Variants in TTC27 observed in about 807,000 individuals in gnomAD.
The protein encoded by TTC27 is tetratricopeptide repeat protein 27.
A neutral mutation model predicts 115.9 loss-of-function variants in TTC27; 79 were observed. The observed-to-expected ratio is 0.68, with a 90% confidence interval of 0.57 to 0.82. The LOEUF (loss-of-function observed/expected upper bound fraction) is 0.82. TTC27 is among the 40% of genes least tolerant of loss of function. The pLI, the probability that TTC27 is intolerant of heterozygous loss-of-function variation, is 0.00. For missense variants in TTC27, 1,054 were observed against 993.1 expected (o/e 1.06, Z -0.82); for synonymous variants, 401 against 356.0 (o/e 1.13, Z -1.42).
chr2:32,801,169 C>G (rs185282477), intron 16 of TTC27, among the ~76,000 whole-genome samples: 152 of 152,252 alleles, frequency 1.0e-3, no homozygotes, highest in Non-Finnish European at 1.7e-3. Flanking sequence ...TTTTAACTGT[C>G]TTAGTCTTTC....
intron 9 of TTC27, among the ~76,000 whole-genome samples, chr2:32,692,160 C>T (rs1013736159): frequency 7.1e-5 from 10 of 141,226 alleles, no homozygotes; most frequent in African/African-American, 2.4e-4. Flanking sequence ...GGATTATAGG[C>T]GTGAGCCACC....
chr2:32,704,170 A>T (rs1392343179), intron 10 of TTC27, among the ~76,000 whole-genome samples: 2 of 152,110 alleles, frequency 1.3e-5, no homozygotes, highest in Non-Finnish European at 2.9e-5. Flanking sequence ...GACTATAGTA[A>T]TTAATGAAAG....
intron 13 of TTC27, among the ~76,000 whole-genome samples, chr2:32,761,245 C>T (rs1011799692): frequency 6.6e-6 from 1 of 152,132 alleles, no homozygotes; most frequent in African/African-American, 2.4e-5. Flanking sequence ...CCGTATACCC[C>T]ACATCTAATC....
At chr2:32,650,867 T>G (rs757321599) in intron 5 of TTC27, among the ~76,000 whole-genome samples, 2 of 152,166 alleles carry the variant, frequency 1.3e-5, no homozygotes, top group African/African-American at 4.8e-5. Context: ...CAAACATCCA[T>G]GTAAGTGCCT....
rs1036836946 is a variant in TTC27, at chr2:32,662,042, C to T, written c.641-2261C>T. Among the ~76,000 whole-genome samples, 186 of 152,118 alleles carry T rather than the reference C, an allele frequency of 1.2e-3. 1 individual carries two copies. The highest frequency in any genetic ancestry group is 4.3e-3 in the African/African-American group (179 of 41,532). The stretch of plus-strand genomic sequence containing the variant: ...TGAGATAATCTTATGGTTTTTGTCA[C>T]GGTTCTGTTTATGTGATGGATTATG... On this transcript the variant is annotated intron_variant, in intron 5 of 19. Transcript: ENST00000317907.
chr2:32,820,702 A>T, intron 19 of TTC27, 114 bp from the exon 20 acceptor site: 1 of 947,140 alleles, frequency 1.1e-6, no homozygotes, highest in Non-Finnish European at 1.4e-6. Flanking sequence ...CATTGCTATT[A>T]TAATTGTATA....
intron 12 of TTC27, among the ~76,000 whole-genome samples, chr2:32,748,162 T>C (rs2147980565): frequency 6.6e-6 from 1 of 152,328 alleles, no homozygotes; most frequent in Middle Eastern, 3.4e-3. Flanking sequence ...GTTTTGGTTT[T>C]GTTAATCTCA....
At chr2:32,815,300 G>T (rs191506304) in intron 18 of TTC27, among the ~76,000 whole-genome samples, 1 of 132,988 alleles carries the variant, frequency 7.5e-6, no homozygotes, top group Non-Finnish European at 1.5e-5. Context: ...GCAGTGGCGC[G>T]ATCTCGGCTC....
intron 4 of TTC27, among the ~76,000 whole-genome samples, chr2:32,648,159 C>G (rs569401316): frequency 1.3e-5 from 2 of 151,002 alleles, no homozygotes; most frequent in Admixed American, 6.6e-5. Flanking sequence ...CGGAGTTTCA[C>G]TCTTGTTGCC....
intron 8 of TTC27, among the ~76,000 whole-genome samples, chr2:32,673,238 T>TTC (rs1553548407): frequency 6.6e-6 from 1 of 151,436 alleles, no homozygotes; most frequent in African/African-American, 2.4e-5. Context: ...TTTTTTTTTT[T>TTC]CCTAAGATGG....
chr2:32,765,772 T>C (rs1164066613), intron 13 of TTC27, among the ~76,000 whole-genome samples: 1 of 152,214 alleles, frequency 6.6e-6, no homozygotes, highest in Non-Finnish European at 1.5e-5. Flanking sequence ...GCTGTTTCAT[T>C]GTGCACTTTT....
At chr2:32,674,217 C>G (rs565781663) in intron 8 of TTC27, among the ~76,000 whole-genome samples, 1 of 150,684 alleles carries the variant, frequency 6.6e-6, no homozygotes, top group East Asian at 2.0e-4. Context: ...GTGGCGCGAT[C>G]TCGGCTCACT....
rs547768497 is a variant in TTC27, at chr2:32,689,447, T to C, written c.1119+10525T>C. Among the ~76,000 whole-genome samples the C allele has an allele frequency of 7.9e-5, 12 of 152,298 alleles. No homozygotes were observed. The East Asian group carries it at 2.3e-3, about 29-fold the overall frequency. On this transcript the variant is annotated intron_variant, in intron 9 of 19. Transcript: ENST00000317907. ...CCAGTTTCAGAAGTACAACACAAAC[T>C]ATTCAATTTACCTAATTATTAAGTG...
At chr2:32,788,932 A>T (rs1045559746) in intron 16 of TTC27, among the ~76,000 whole-genome samples, 2 of 152,108 alleles carry the variant, frequency 1.3e-5, no homozygotes, top group African/African-American at 4.8e-5. Context: ...AATAATTAAT[A>T]TTTACTGAGG....
chr2:32,635,289 C>G (rs181408316), intron 3 of TTC27: 1 of 153,968 alleles, frequency 6.5e-6, no homozygotes, highest in Admixed American at 6.6e-5. Flanking sequence ...ACCACTCAGC[C>G]TGGAAAAAGC....
chr2:32,640,439 C>T (rs1559182376), intron 4 of TTC27, 29 bp downstream of exon 4: 3 of 1,607,404 alleles, frequency 1.9e-6, no homozygotes, highest in Non-Finnish European at 1.7e-6. Flanking sequence ...AGATTCATAC[C>T]CTGGTATGAC....
intron 17 of TTC27, among the ~76,000 whole-genome samples, chr2:32,812,231 G>A (rs1025759538): frequency 6.6e-6 from 1 of 152,172 alleles, no homozygotes; most frequent in African/African-American, 2.4e-5. Flanking sequence ...GAGAAAATCT[G>A]TATATTTACA....
At chr2:32,643,212 A>C (rs1477528118) in intron 4 of TTC27, among the ~76,000 whole-genome samples, 1 of 152,166 alleles carries the variant, frequency 6.6e-6, no homozygotes, top group Non-Finnish European at 1.5e-5. Context: ...TCTTAGTGAC[A>C]GTAGCTTGAG....
Position 32,758,388 on chromosome 2 carries a change from A to G in TTC27, c.1549A>G (p.Lys517Glu), listed in dbSNP as rs374624508. Residue 517 changes from lysine to glutamate, a missense_variant, in exon 13 of 20, where the codon AAG (lysine) becomes GAG (glutamate). Coordinates refer to ENST00000317907, the MANE Select transcript of TTC27 (RefSeq NM_017735.5). ...DVLGDHSCYD[K>E]AWELSRYRSA... is the part of the protein sequence containing the mutation. ...CCTCGGAGACCATTCTTGCTATGAC[A>G]AGGCCTGGGAGTTGTCCCGGTACCG... The G allele has an allele frequency of 1.2e-6, 2 of 1,614,218 alleles. No individual in the cohort carries two copies. Among genetic ancestry groups the G allele is most frequent in the East Asian group, 2.2e-5 (1 of 44,882 alleles).
Sources: allele counts gnomAD v4.1 joint callset (sites outside exome capture counted in the v4.1 genomes callset), GRCh38; gene constraint gnomAD v4.1.1; transcripts MANE v1.5; gene names NCBI Gene and HGNC (gene_info 2026-07-23, HGNC 2026-07-21).